ZMYM4: variants seen among roughly 807,000 people sequenced by gnomAD.
The protein encoded by ZMYM4 is zinc finger MYM-type containing 4.
In ZMYM4, 31 loss-of-function variants were observed where a neutral mutation model predicts 183.2. The observed-to-expected ratio is 0.17, with a 90% CI of 0.13 to 0.23. The LOEUF (loss-of-function observed/expected upper bound fraction) is 0.23. Among genes scored for constraint, ZMYM4 ranks in the 10% least tolerant of loss-of-function variants. The pLI is 1.00. For synonymous variants in ZMYM4, 592 were observed against 631.2 expected (o/e 0.94, Z 0.93); for missense variants, 1,273 against 1,840.3 (o/e 0.69, Z 5.64).
chr1:35,313,083 A>G (rs914275238), intron 1 of ZMYM4, among the ~76,000 whole-genome samples: 1 of 151,908 alleles, frequency 6.6e-6, no homozygotes, highest in Non-Finnish European at 1.5e-5. Flanking sequence ...TAGTAGAGAC[A>G]GGGTATCACC....
chr1:35,417,209 C>G (rs892459481), intron 28 of ZMYM4, among the ~76,000 whole-genome samples: 1 of 150,204 alleles, frequency 6.7e-6, no homozygotes, highest in African/African-American at 2.5e-5. Context: ...TGCACTCTAG[C>G]CTGGGCAACA....
rs1644658591 is a variant in ZMYM4 at position 35,389,706 on chromosome 1, G to A, written c.2437-242G>A. ...GGAGGTGGAGCTTGCAGTGAGCTGA[G>A]ATCACGCCACTGCACTCCAGCCTGG... is the stretch of plus-strand genomic sequence containing the variant. On this transcript the variant is annotated intron_variant, in intron 14 of 29. Transcript: ENST00000314607. This position sits in a 1 kb window ranked among gnomAD's most constrained non-coding sequence, Gnocchi z 4.0. Among the ~76,000 whole-genome samples the A allele has an allele frequency of 6.7e-6, 1 of 150,176 alleles. No individual in the cohort carries two copies. Among genetic ancestry groups the A allele is most frequent in the African/African-American group, 2.5e-5 (1 of 40,784 alleles).
chr1:35,407,367 G>T (rs1645022386), intron 25 of ZMYM4, among the ~76,000 whole-genome samples: 1 of 151,324 alleles, frequency 6.6e-6, no homozygotes, highest in Non-Finnish European at 1.5e-5. Flanking sequence ...GGCGGAGGTT[G>T]CAGTGAGCCG....
intron 2 of ZMYM4, among the ~76,000 whole-genome samples, chr1:35,326,021 A>G (rs1642487999): frequency 6.6e-6 from 1 of 152,078 alleles, no homozygotes; most frequent in Non-Finnish European, 1.5e-5. Flanking sequence ...GTGTCAATGG[A>G]TATAGACCTG....
intron 1 of ZMYM4, chr1:35,310,280 G>A (rs905964461): frequency 7.7e-5 from 15 of 193,982 alleles, no homozygotes; most frequent in African/African-American, 2.6e-4. Flanking sequence ...TATGAAGGCA[G>A]CATTGTTGTA....
intron 7 of ZMYM4, among the ~76,000 whole-genome samples, chr1:35,372,268 G>A (rs563200120): frequency 2.0e-5 from 3 of 152,260 alleles, no homozygotes; most frequent in South Asian, 2.1e-4. Context: ...ATATCTTTGA[G>A]TTATGTTGTC....
chr1:35,387,168 C>T lies in ZMYM4; in HGVS notation c.2002C>T (p.Arg668Cys), dbSNP rs1212806038. The change falls in exon 12 of 30, where the codon CGT (arginine) becomes TGT (cysteine). Residue 668 changes from arginine to cysteine, a missense_variant. Coordinates refer to ENST00000314607, the MANE Select transcript of ZMYM4 (RefSeq NM_005095.3). Reference sequence around the variant, plus strand: ...TAGCTCTGCTGCAGCTGGTCTCCAGCGTCTCGCTGCCCAGTCCCAGCATGT... The same window carrying T: ...TAGCTCTGCTGCAGCTGGTCTCCAGTGTCTCGCTGCCCAGTCCCAGCATGT... The part of the protein sequence containing the change: ...ISSSAAAGLQ[R>C]LAAQSQHVGF... 7.4e-6 allele frequency: 12 copies of T among 1,614,124 alleles called. No individual in the cohort carries two copies. Among genetic ancestry groups the T allele is most frequent in the Middle Eastern group, 1.6e-4 (1 of 6,084 alleles).
At chr1:35,317,347 C>G (rs1642092208) in intron 1 of ZMYM4, among the ~76,000 whole-genome samples, 1 of 152,038 alleles carries the variant, frequency 6.6e-6, no homozygotes, top group Non-Finnish European at 1.5e-5. Context: ...CCAAGAGAAT[C>G]CCTTGAACCC....
At chr1:35,418,323 A>C in intron 28 of ZMYM4, 120 bp from the exon 29 acceptor site, 1 of 1,037,758 alleles carries the variant, frequency 9.6e-7, no homozygotes, top group Non-Finnish European at 1.4e-6. Context: ...AATGAGTGTG[A>C]GTGAGTGAAA....
intron 26 of ZMYM4, 81 bp downstream of exon 26, chr1:35,408,240 G>A (rs1639712244): frequency 6.6e-7 from 1 of 1,516,250 alleles, no homozygotes; most frequent in South Asian, 1.2e-5. Flanking sequence ...ACATGCACAT[G>A]TACACACCCA....
At chr1:35,381,897 C>G in intron 9 of ZMYM4, 139 bp downstream of exon 9, 1 of 1,076,186 alleles carries the variant, frequency 9.3e-7, no homozygotes, top group Non-Finnish European at 1.3e-6. Flanking sequence ...GTAATCCCAG[C>G]ACTTTGGGAG....
At chr1:35,393,521 A>C in intron 17 of ZMYM4, 74 bp from the exon 18 acceptor site, 1 of 1,310,910 alleles carries the variant, frequency 7.6e-7, no homozygotes, top group South Asian at 1.7e-5. Flanking sequence ...ATTTCCTTTA[A>C]TATTATAATA....
intron 15 of ZMYM4, among the ~76,000 whole-genome samples, chr1:35,391,411 T>C (rs995750988): frequency 6.6e-6 from 1 of 152,214 alleles, no homozygotes; most frequent in Non-Finnish European, 1.5e-5. Context: ...CTACACACTA[T>C]GTGCTAGGCC....
At chr1:35,282,719 C>A (rs573446271) in intron 1 of ZMYM4, among the ~76,000 whole-genome samples, 1 of 152,134 alleles carries the variant, frequency 6.6e-6, no homozygotes, top group South Asian at 2.1e-4. Context: ...CTATGCCCAG[C>A]TAATTTTAGT....
chr1:35,385,309 G>C, intron 9 of ZMYM4, 133 bp from the exon 10 acceptor site: 1 of 950,782 alleles, frequency 1.1e-6, no homozygotes, highest in South Asian at 1.8e-5. Context: ...ACTTCCTATT[G>C]AGGATTACAA....
chr1:35,293,211 C>T (rs2148722295), intron 1 of ZMYM4, among the ~76,000 whole-genome samples: 1 of 151,998 alleles, frequency 6.6e-6, no homozygotes, highest in East Asian at 1.9e-4. Context: ...TCCTATGTTA[C>T]TTAGGCTGGT....
chr1:35,408,890 T>C (rs186371264), intron 26 of ZMYM4, among the ~76,000 whole-genome samples: 4 of 152,340 alleles, frequency 2.6e-5, no homozygotes, highest in African/African-American at 9.6e-5. Flanking sequence ...TCTGTAGCTT[T>C]ATGACTCCAA....
intron 2 of ZMYM4, among the ~76,000 whole-genome samples, chr1:35,338,961 G>A (rs956520812): frequency 1.3e-5 from 2 of 152,068 alleles, no homozygotes; most frequent in African/African-American, 2.4e-5. Context: ...GTAGTTGAAC[G>A]ATAATAAATT....
At chr1:35,282,280 G>C (rs1178853875) in intron 1 of ZMYM4, among the ~76,000 whole-genome samples, 1 of 152,182 alleles carries the variant, frequency 6.6e-6, no homozygotes. Context: ...GTTGTTACAA[G>C]CAAGGTTCTA....
Sources: gnomAD v4.1 joint callset for allele counts (sites outside exome capture counted in the v4.1 genomes callset) on GRCh38, gnomAD v4.1.1 for gene constraint, Gnocchi (gnomAD v3.1) non-coding constraint, MANE v1.5 for transcripts, NCBI Gene and HGNC (gene_info 2026-07-23, HGNC 2026-07-21) for gene names.